The following CRTC1 variants were observed in gnomAD, a reference collection of about 807,000 sequenced individuals.
The protein encoded by CRTC1 is CREB regulated transcription coactivator 1.
A neutral mutation model predicts 66.1 loss-of-function variants in CRTC1; 18 were observed. The observed-to-expected ratio is 0.27, with a 90% confidence interval of 0.19 to 0.40. CRTC1 has a LOEUF of 0.40. Among genes scored for constraint, CRTC1 ranks in the 10% least tolerant of loss-of-function variants. The probability of loss-of-function intolerance (pLI) is 1.00; values close to 1 mark genes in which losing one functional copy is unlikely to be tolerated. For synonymous variants in CRTC1, 416 were observed against 398.8 expected, an observed-to-expected ratio of 1.04 and a Z score of -0.51; for missense variants, 669 against 887.9, an observed-to-expected ratio of 0.75 and a Z score of 3.13.
At chr19:18,720,977 G>A (rs1305562662) in intron 1 of CRTC1, among the ~76,000 whole-genome samples, 2 of 152,282 alleles carry the variant, frequency 1.3e-5, no homozygotes, top group East Asian at 3.9e-4. Context: ...CAATAGAAAT[G>A]TATTCAGTGC....
chr19:18,748,916 G>A lies in CRTC1; in HGVS notation c.444-865G>A, dbSNP rs1193398379. ...TATAAAATGAATGGAGCTTTATGGA[G>A]TGGGCAGTGTGTTCATCTCCATTGT... On this transcript the variant is annotated intron_variant, in intron 4 of 13. Transcript: ENST00000321949. Among the ~76,000 whole-genome samples, 7 of 152,286 alleles carry A rather than the reference G, an allele frequency of 4.6e-5. No homozygotes were observed. In the East Asian group the frequency reaches 1.2e-3, roughly 25 times the overall value.
intron 2 of CRTC1, among the ~76,000 whole-genome samples, chr19:18,743,718 C>T (rs2054164690): frequency 6.6e-6 from 1 of 152,230 alleles, no homozygotes; most frequent in African/African-American, 2.4e-5. Context: ...CGGGGCCCCT[C>T]CCAAGTCACC....
chr19:18,731,386 C>G (rs1028161668), intron 1 of CRTC1, among the ~76,000 whole-genome samples: 20 of 152,152 alleles, frequency 1.3e-4, no homozygotes, highest in Non-Finnish European at 2.9e-4. Context: ...CCTTTATTGC[C>G]GCTTGGCCCA....
chr19:18,749,119 A>G lies in CRTC1; in HGVS notation c.444-662A>G, dbSNP rs140664328. On this transcript the variant is annotated intron_variant, in intron 4 of 13. Transcript: ENST00000321949. ...TTGGGTGGCCTTGTGCTTTCTCCCC[A>G]TCAGTTCCTAGAGGGAAATGCGGTC... 5.5e-4 allele frequency among the ~76,000 whole-genome samples: 83 copies of G among 152,224 alleles called. 1 individual carries two copies. The highest frequency in any genetic ancestry group is 1.6e-3 in the African/African-American group (65 of 41,536).
intron 6 of CRTC1, among the ~76,000 whole-genome samples, chr19:18,755,210 A>C (rs895474704): frequency 3.9e-5 from 6 of 151,914 alleles, no homozygotes; most frequent in Non-Finnish European, 8.8e-5. Context: ...GCTGGTCTCA[A>C]ACTCCTGACC....
chr19:18,751,921 A>G (rs984517883), intron 5 of CRTC1, among the ~76,000 whole-genome samples: 3 of 152,046 alleles, frequency 2.0e-5, no homozygotes, highest in Non-Finnish European at 2.9e-5. Context: ...ACACTTCGGG[A>G]GAGAGGCTGA....
chr19:18,776,045 C>T lies in CRTC1; in HGVS notation c.1693+224C>T, dbSNP rs549382073. Reference sequence around the variant, plus strand: ...GGAGATGCCTCTGGACCAGACGTCCCGTGCATAGGATAGAGACGGTCACTC... The same window carrying T: ...GGAGATGCCTCTGGACCAGACGTCCTGTGCATAGGATAGAGACGGTCACTC... On this transcript the variant is annotated intron_variant, in intron 13 of 13. Coordinates refer to ENST00000321949, the MANE Select transcript of CRTC1 (RefSeq NM_015321.3). Among the ~76,000 whole-genome samples, 8 of 152,306 alleles carry T rather than the reference C, an allele frequency of 5.3e-5. 1 individual carries two copies. The South Asian group carries it at 6.2e-4, about 12-fold the overall frequency.
chr19:18,706,773 T>A (rs1600798737), intron 1 of CRTC1, among the ~76,000 whole-genome samples: 2 of 152,364 alleles, frequency 1.3e-5, no homozygotes, highest in East Asian at 3.9e-4. Flanking sequence ...CATCTTTTCA[T>A]GTGCTTATTG....
At chr19:18,715,164 C>T (rs1435400474) in intron 1 of CRTC1, among the ~76,000 whole-genome samples, 3 of 152,226 alleles carry the variant, frequency 2.0e-5, no homozygotes, top group Admixed American at 6.5e-5. Context: ...GGCTTGTAGC[C>T]GCATCACTCC....
chr19:18,687,926 G>A (rs1050422692), intron 1 of CRTC1, among the ~76,000 whole-genome samples: 3 of 152,150 alleles, frequency 2.0e-5, no homozygotes, highest in African/African-American at 7.2e-5. Context: ...CAGGCAGGCT[G>A]TCTATGGCGC....
chr19:18,712,832 C>T lies in CRTC1; in HGVS notation c.126+29004C>T, dbSNP rs545062180. 1.8e-4 allele frequency among the ~76,000 whole-genome samples: 28 copies of T among 152,134 alleles called. No homozygotes were observed. The East Asian group carries it at 3.9e-3, about 21-fold the overall frequency. On this transcript the variant is annotated intron_variant, in intron 1 of 13. Coordinates refer to ENST00000321949, the MANE Select transcript of CRTC1 (RefSeq NM_015321.3). ...AAAATTAGCTGGGCATGGTGGCATACGGCTGTAATCCCAGCTACCTGGGAG... is the reference window on the plus strand; with the variant it reads ...AAAATTAGCTGGGCATGGTGGCATATGGCTGTAATCCCAGCTACCTGGGAG...
At chr19:18,687,969 C>G (rs2052727510) in intron 1 of CRTC1, among the ~76,000 whole-genome samples, 2 of 152,102 alleles carry the variant, frequency 1.3e-5, no homozygotes, top group South Asian at 4.1e-4. Context: ...GTTTCTCAAC[C>G]CCTCTGGGCC....
At chr19:18,700,882 G>A (rs901948153) in intron 1 of CRTC1, among the ~76,000 whole-genome samples, 3 of 152,262 alleles carry the variant, frequency 2.0e-5, no homozygotes. Flanking sequence ...GTGACTGAAA[G>A]CAGAGGCTCC....
chr19:18,724,130 C>T (rs560252909), intron 1 of CRTC1, among the ~76,000 whole-genome samples: 14 of 152,140 alleles, frequency 9.2e-5, no homozygotes, highest in African/African-American at 2.7e-4. Flanking sequence ...CGGGAACCGG[C>T]GGGGCGGACA....
chr19:18,759,923 C>T, intron 7 of CRTC1, 85 bp from the exon 8 acceptor site: 2 of 1,132,926 alleles, frequency 1.8e-6, no homozygotes, highest in Non-Finnish European at 2.6e-6. Context: ...TTTGCACCCG[C>T]TGATTTTCTC....
intron 8 of CRTC1, among the ~76,000 whole-genome samples, chr19:18,761,832 T>C (rs897490114): frequency 6.6e-6 from 1 of 151,944 alleles, no homozygotes; most frequent in Admixed American, 6.5e-5. Context: ...GAGGAGGGCA[T>C]GGGGACTAGA....
chr19:18,700,706 G>T (rs769986165), intron 1 of CRTC1, among the ~76,000 whole-genome samples: 6 of 152,156 alleles, frequency 3.9e-5, no homozygotes, highest in Non-Finnish European at 8.8e-5. Flanking sequence ...CTAGCAGGGC[G>T]CCTGGGACTG....
Position 18,737,739 on chromosome 19 carries a change from GCTC to G in CRTC1, c.127-5145_127-5143del, listed in dbSNP as rs760680059. Among the ~76,000 whole-genome samples the G allele has an allele frequency of 8.6e-3, 1,293 of 149,820 alleles. 13 individuals carry two copies. Among genetic ancestry groups the G allele is most frequent in the African/African-American group, 0.026 (1,066 of 40,428 alleles). ...ACCAAGCTGCCGCCCTCCTGCTGCT[GCTC>G]CTCCTCCTCCTCCTCCTCCTCCTCC... is the stretch of plus-strand genomic sequence containing the variant. On this transcript the variant is annotated intron_variant, in intron 1 of 13. Transcript: ENST00000321949.
At chr19:18,745,722 T>C in intron 2 of CRTC1, 101 bp from the exon 3 acceptor site, 1 of 1,474,950 alleles carries the variant, frequency 6.8e-7, no homozygotes, top group Non-Finnish European at 9.4e-7. Flanking sequence ...TGCTCCAGAG[T>C]GGGGGGCCCT....
Sources: allele counts gnomAD v4.1 joint callset (sites outside exome capture counted in the v4.1 genomes callset), GRCh38; gene constraint gnomAD v4.1.1; transcripts MANE v1.5; gene names NCBI Gene and HGNC (gene_info 2026-07-23, HGNC 2026-07-21).